BET1L: variants seen among roughly 807,000 people sequenced by gnomAD.
The protein encoded by BET1L is BET1-like protein.
Under a neutral mutation model 12.6 loss-of-function variants are expected in BET1L, and 13 were observed. The observed-to-expected ratio is 1.03, with a 90% CI of 0.67 to 1.64. The LOEUF (loss-of-function observed/expected upper bound fraction) is 1.64, where lower values mean the gene tolerates loss of function less well. Ranked by LOEUF, BET1L falls within the 40% of genes most tolerant of loss-of-function variation. BET1L has a pLI of 0.00. For synonymous variants in BET1L, 60 were observed against 56.9 expected (o/e 1.05, Z -0.25); for missense variants, 154 against 150.7 (o/e 1.02, Z -0.11).
In BET1L at chr11:205,816, C is replaced by A. The variant is rs1855137215; in HGVS notation, c.111+136G>T. ...GAAAGGTCCAGGTGTCAGCTGGGGC[C>A]TCATGCAGGTGAGCACAGCCACGAA... On this transcript the variant is annotated intron_variant, in intron 2 of 3. Coordinates refer to ENST00000382762, the MANE Select transcript of BET1L (RefSeq NM_001098787.2). 13 of 1,433,872 alleles carry A rather than the reference C, an allele frequency of 9.1e-6. 1 individual carries two copies. The South Asian group carries it at 1.3e-4, about 14-fold the overall frequency. The allele number at this position is 1,433,872 out of a possible 1,614,324, so 88.8% of individuals were successfully genotyped here. A position where few individuals can be genotyped will look rare whatever the true frequency, so the allele number is the denominator to read the frequency against.
At chr11:206,941 A>C (rs1855178479) in intron 1 of BET1L, 1 of 326,334 alleles carries the variant, frequency 3.1e-6, no homozygotes, top group Non-Finnish European at 5.7e-6. Context: ...CTTGGACACC[A>C]GCGGAGCACA....
intron 1 of BET1L, 136 bp from the exon 2 acceptor site, chr11:206,179 T>C (rs1440327672): frequency 1.4e-6 from 1 of 690,382 alleles, no homozygotes; most frequent in African/African-American, 1.8e-5. Flanking sequence ...ATCTTGCACA[T>C]GAGACAGGCT....
In BET1L at chr11:205,605, C is replaced by T; in HGVS notation, c.168+6G>A. ...GCACTGATACACGCACACCGTGGGC[C>T]CTTACCATGCCATCCAGGTACCGGT... On this transcript the variant is annotated splice_donor_region_variant and intron_variant, in intron 3 of 3. Transcript: ENST00000382762. 6.2e-7 allele frequency: 1 copy of T among 1,613,922 alleles called. No homozygotes were observed. Among genetic ancestry groups the T allele is most frequent in the Non-Finnish European group, 8.5e-7 (1 of 1,179,988 alleles).
intron 2 of BET1L, 66 bp downstream of exon 2, chr11:205,886 G>A: frequency 6.4e-7 from 1 of 1,559,796 alleles, no homozygotes; most frequent in Non-Finnish European, 8.8e-7. Context: ...TGGGCCCTCT[G>A]CCTTCCCTCT....
chr11:206,495 G>C (rs746493268), intron 1 of BET1L, among the ~76,000 whole-genome samples: 11 of 152,360 alleles, frequency 7.2e-5, no homozygotes, highest in Middle Eastern at 3.4e-3. Flanking sequence ...GACGACCTTT[G>C]AGCTAGGTCC....
Position 204,923 on chromosome 11 carries a change from A to G in BET1L, c.*379T>C. 2 of 263,326 alleles carry G rather than the reference A, an allele frequency of 7.6e-6. No homozygotes were observed. Among genetic ancestry groups the G allele is most frequent in the South Asian group, 8.3e-5 (2 of 23,970 alleles). 16.3% of individuals were successfully genotyped at this position (263,326 alleles called of 1,614,324 possible). On this transcript the variant is annotated 3_prime_UTR_variant, in exon 4 of 4. Transcript: ENST00000382762. ...AAGGACACGACCGTGCAGCCTTAAG[A>G]TGTCAGAGTCCCAAGCGCGGGGAGA...
chr11:206,282 C>T (rs754049078), intron 1 of BET1L, among the ~76,000 whole-genome samples: 2 of 152,190 alleles, frequency 1.3e-5, no homozygotes, highest in African/African-American at 2.4e-5. Flanking sequence ...ACAATGGGTT[C>T]GGTCCAACCA....
chr11:205,105 T>G lies in BET1L; in HGVS notation c.*197A>C. 1 of 701,182 alleles carries G rather than the reference T, an allele frequency of 1.4e-6. No individual in the cohort carries two copies. Among genetic ancestry groups the G allele is most frequent in the Non-Finnish European group, 2.3e-6 (1 of 441,306 alleles). The allele number at this position is 701,182 out of a possible 1,614,324, so 43.4% of individuals were successfully genotyped here. A position where few individuals can be genotyped will look rare whatever the true frequency, so the allele number is the denominator to read the frequency against. On this transcript the variant is annotated 3_prime_UTR_variant, in exon 4 of 4. Coordinates refer to ENST00000382762, the MANE Select transcript of BET1L (RefSeq NM_001098787.2). ...CCTTGGTTTCCCCGAGAGAGTCCCT[T>G]TCACACATGGGACCAGCCAACATGA...
chr11:203,981 CA>C lies in BET1L; in HGVS notation c.*1320del. The C allele has an allele frequency of 6.5e-6, 1 of 153,374 alleles. No homozygotes were observed. The highest frequency in any genetic ancestry group is 1.5e-5 in the Non-Finnish European group (1 of 68,480). The allele number at this position is 153,374 out of a possible 1,614,324, so 9.5% of individuals were successfully genotyped here. A position where few individuals can be genotyped will look rare whatever the true frequency, so the allele number is the denominator to read the frequency against. ...AGGAGGAGGGGAGGGGAAGGGTGAG[CA>C]AAGTGGGGCTGCAGGCATCAGGCTG... is the stretch of plus-strand genomic sequence containing the variant. On this transcript the variant is annotated 3_prime_UTR_variant, in exon 4 of 4. Coordinates refer to ENST00000382762, the MANE Select transcript of BET1L (RefSeq NM_001098787.2).
Position 205,022 on chromosome 11 carries a change from G to C in BET1L, c.*280C>G. ...GCTCAGACCTGGCTTCTCCAGACAC[G>C]CTGTGGCCCCAGCTCTGCCTGGCTC... On this transcript the variant is annotated 3_prime_UTR_variant, in exon 4 of 4. Transcript: ENST00000382762. 1 of 424,342 alleles carries C rather than the reference G, an allele frequency of 2.4e-6. No individual in the cohort carries two copies. The highest frequency in any genetic ancestry group is 4.3e-6 in the Non-Finnish European group (1 of 229,926). 26.3% of individuals were successfully genotyped at this position (424,342 alleles called of 1,614,324 possible).
chr11:207,383 C>CCACAGCCGCCTCAGACGTGGA lies in BET1L; in HGVS notation c.-63_-62insTCCACGTCTGAGGCGGCTGTG. ...GCGGCCACAGCCGCCTCAGACGTGG[C>CCACAGCCGCCTCAGACGTGGA]GCAGTCGCGGGGAAAGAGCTTCCGG... On this transcript the variant is annotated 5_prime_UTR_variant, in exon 1 of 4. Coordinates refer to ENST00000382762, the MANE Select transcript of BET1L (RefSeq NM_001098787.2). 2 of 1,494,182 alleles carry CCACAGCCGCCTCAGACGTGGA rather than the reference C, an allele frequency of 1.3e-6. No individual in the cohort carries two copies. Among genetic ancestry groups the CCACAGCCGCCTCAGACGTGGA allele is most frequent in the South Asian group, 1.2e-5 (1 of 80,494 alleles). 92.6% of individuals were successfully genotyped at this position (1,494,182 alleles called of 1,614,324 possible). A position where few individuals can be genotyped will look rare whatever the true frequency, so the allele number is the denominator to read the frequency against.
intron 1 of BET1L, 101 bp from the exon 2 acceptor site, chr11:206,144 C>T: frequency 9.8e-7 from 1 of 1,017,550 alleles, no homozygotes; most frequent in Non-Finnish European, 1.5e-6. Context: ...ATCTAGGGGG[C>T]CCTAACCAAG....
At chr11:206,102 T>C in intron 1 of BET1L, 59 bp from the exon 2 acceptor site, 1 of 1,476,408 alleles carries the variant, frequency 6.8e-7, no homozygotes. Context: ...CCCTGACCCC[T>C]CTCACTCCAA....
In BET1L at chr11:205,684, G is replaced by A. The variant is rs1461992045; in HGVS notation, c.112-17C>T. On this transcript the variant is annotated splice_polypyrimidine_tract_variant and intron_variant, in intron 2 of 3. Coordinates refer to ENST00000382762, the MANE Select transcript of BET1L (RefSeq NM_001098787.2). The stretch of plus-strand genomic sequence containing the variant: ...CAGGGCGAGCTGTTCAGCAGACAGA[G>A]AGGGCAGGGTTGGGCCAGAGCAGAC... The A allele has an allele frequency of 1.2e-6, 2 of 1,600,806 alleles. No individual in the cohort carries two copies. The highest frequency in any genetic ancestry group is 1.7e-6 in the Non-Finnish European group (2 of 1,175,828).
Position 205,809 on chromosome 11 carries a change from C to T in BET1L, c.112-142G>A, listed in dbSNP as rs961694508. 2.1e-6 allele frequency: 3 copies of T among 1,448,968 alleles called. No individual in the cohort carries two copies. The Admixed American group carries it at 5.6e-5, about 27-fold the overall frequency. 89.8% of individuals were successfully genotyped at this position (1,448,968 alleles called of 1,614,324 possible). On this transcript the variant is annotated intron_variant, in intron 2 of 3. Coordinates refer to ENST00000382762, the MANE Select transcript of BET1L (RefSeq NM_001098787.2). ...GCAGACAGAAAGGTCCAGGTGTCAG[C>T]TGGGGCCTCATGCAGGTGAGCACAG...
intron 1 of BET1L, among the ~76,000 whole-genome samples, chr11:206,619 C>G (rs1855165928): frequency 6.6e-6 from 1 of 152,090 alleles, no homozygotes; most frequent in South Asian, 2.1e-4. Flanking sequence ...CGACCAGGAG[C>G]GGGATCCTTG....
intron 2 of BET1L, 71 bp from the exon 3 acceptor site, chr11:205,738 C>T (rs989353360): frequency 6.5e-7 from 1 of 1,547,358 alleles, no homozygotes; most frequent in East Asian, 2.3e-5. Flanking sequence ...CCTCCCCAGA[C>T]CAGATAAACC....
chr11:205,548 G>A (rs1250691956), intron 3 of BET1L, 63 bp downstream of exon 3: 2 of 1,614,168 alleles, frequency 1.2e-6, no homozygotes, highest in South Asian at 1.1e-5. Flanking sequence ...AGGAGACACT[G>A]CAGGCTCTGC....
At chr11:206,200 C>T (rs1855150775) in intron 1 of BET1L, among the ~76,000 whole-genome samples, 157 bp from the exon 2 acceptor site, 1 of 152,130 alleles carries the variant, frequency 6.6e-6, no homozygotes, top group Admixed American at 6.5e-5. Flanking sequence ...GCATAAAGGA[C>T]GATGTGTGTA....
Sources: allele counts gnomAD v4.1 joint callset (sites outside exome capture counted in the v4.1 genomes callset), GRCh38; gene constraint gnomAD v4.1.1; transcripts MANE v1.5; gene names NCBI Gene and HGNC (gene_info 2026-07-23, HGNC 2026-07-21).